NAV1: variants seen among roughly 807,000 people sequenced by gnomAD.
NAV1 encodes neuron navigator 1, also known as pore membrane and/or filament interacting like protein 3.
A neutral mutation model predicts 175.2 loss-of-function variants in NAV1; 18 were observed. That is an observed-to-expected ratio of 0.10 (90% CI 0.07 to 0.15). The LOEUF is 0.15. Ranked by LOEUF, NAV1 falls within the 10% of genes least tolerant of loss-of-function variation. NAV1 has a pLI of 1.00. For missense variants in NAV1, 1,731 were observed against 2,436.6 expected (o/e 0.71, Z 6.10); for synonymous variants, 897 against 978.7 (o/e 0.92, Z 1.56).
At chr1:201,632,005 A>G (rs1490618288) in intron 2 of NAV1, among the ~76,000 whole-genome samples, 1 of 152,150 alleles carries the variant, frequency 6.6e-6, no homozygotes, top group East Asian at 1.9e-4. Context: ...TTTGTCCTCT[A>G]TCAGCCTGTT....
intron 3 of NAV1, among the ~76,000 whole-genome samples, chr1:201,771,220 C>T (rs1217375084): frequency 7.6e-6 from 1 of 131,338 alleles, no homozygotes; most frequent in Non-Finnish European, 1.5e-5. Context: ...GCCTGGGCGA[C>T]AGAGCGAGAC....
At chr1:201,636,356 A>G (rs991671226) in intron 2 of NAV1, among the ~76,000 whole-genome samples, 3 of 152,170 alleles carry the variant, frequency 2.0e-5, no homozygotes, top group African/African-American at 7.2e-5. Flanking sequence ...CCTCCCCACT[A>G]TAAGGCTGCG....
chr1:201,790,562 G>A (rs779654838), exon 12 of NAV1: 1 of 1,613,980 alleles, frequency 6.2e-7, no homozygotes, highest in Non-Finnish European at 8.5e-7. Flanking sequence ...AGGCTGAGGA[G>A]AGGATGCAAT....
At chr1:201,676,052 A>T (rs1236655285) in intron 1 of NAV1, among the ~76,000 whole-genome samples, 7 of 151,834 alleles carry the variant, frequency 4.6e-5, no homozygotes, top group South Asian at 2.1e-4. Context: ...CTTCCTCTAA[A>T]CTCACCTGAA....
intron 1 of NAV1, among the ~76,000 whole-genome samples, chr1:201,584,721 C>T (rs1312106660): frequency 3.9e-5 from 6 of 152,228 alleles, no homozygotes; most frequent in Admixed American, 3.9e-4. Context: ...CCCATCAGCC[C>T]TGCTGACAGG....
At chr1:201,735,332 C>T (rs772338583) in intron 3 of NAV1, among the ~76,000 whole-genome samples, 7 of 152,286 alleles carry the variant, frequency 4.6e-5, no homozygotes, top group South Asian at 2.1e-4. Context: ...TGAAAATGAG[C>T]GGTTTGAACT....
Position 201,731,268 on chromosome 1 carries a change from G to A in NAV1, c.1226+12513G>A, listed in dbSNP as rs139435042. Among the ~76,000 whole-genome samples the A allele has an allele frequency of 5.2e-3, 784 of 152,134 alleles. 8 individuals carry two copies. The highest frequency in any genetic ancestry group is 0.017 in the African/African-American group (726 of 41,502). On this transcript the variant is annotated intron_variant, in intron 3 of 29. Transcript: ENST00000367296. ...GATACTGTGTGAGACCCATCCAAAC[G>A]TGTGTGAGAGGTGGCTGGATACAAA...
intron 15 of NAV1, among the ~76,000 whole-genome samples, chr1:201,803,035 C>T (rs1207262443): frequency 6.6e-6 from 1 of 152,174 alleles, no homozygotes; most frequent in East Asian, 1.9e-4. Context: ...TCAGACATCT[C>T]CTTTGTTAAC....
chr1:201,781,139 C>T (rs1676299248), exon 5 of NAV1: 4 of 1,614,062 alleles, frequency 2.5e-6, no homozygotes, highest in East Asian at 4.5e-5. Flanking sequence ...CCTGGGACTT[C>T]TAAGTGGCGG....
intron 1 of NAV1, among the ~76,000 whole-genome samples, chr1:201,542,380 A>G (rs1349211294): frequency 6.6e-6 from 1 of 152,214 alleles, no homozygotes; most frequent in Non-Finnish European, 1.5e-5. Flanking sequence ...AATACTTGGC[A>G]AACACTTCGT....
At chr1:201,587,908 C>T (rs1194556322) in intron 1 of NAV1, among the ~76,000 whole-genome samples, 1 of 152,128 alleles carries the variant, frequency 6.6e-6, no homozygotes, top group Non-Finnish European at 1.5e-5. Context: ...AAAAGACAGG[C>T]AGTAACAAGT....
rs1678611262 is a variant in NAV1 at position 201,810,379 on chromosome 1, T to G, written c.4562-144T>G. ...AGATCTAAGTTTTCAAAACTAGGGGTTAAGGGACTCTTATGGAACCATGGG... is the reference window on the plus strand; with the variant it reads ...AGATCTAAGTTTTCAAAACTAGGGGGTAAGGGACTCTTATGGAACCATGGG... On this transcript the variant is annotated intron_variant, in intron 23 of 29. Coordinates refer to ENST00000367296, the Ensembl canonical transcript of NAV1. The surrounding 1 kb of genome is among the most constrained non-coding windows in gnomAD (Gnocchi z 6.0). The G allele has an allele frequency of 2.4e-6, 2 of 846,330 alleles. No homozygotes were observed. Among genetic ancestry groups the G allele is most frequent in the Non-Finnish European group, 3.6e-6 (2 of 551,772 alleles). The allele number at this position is 846,330 out of a possible 1,614,324, so 52.4% of individuals were successfully genotyped here.
rs558028489 is a variant in NAV1, at chr1:201,643,069, T to C, written c.5-5565T>C. On this transcript the variant is annotated intron_variant, in intron 2 of 29. Transcript: ENST00000367302. Reference sequence around the variant, plus strand: ...GATTACAGGTGTGAGCCACCGTGCCTGGCCTCTTTCTCTCTTTCTTTCTTT... The same window carrying C: ...GATTACAGGTGTGAGCCACCGTGCCCGGCCTCTTTCTCTCTTTCTTTCTTT... 1.3e-4 allele frequency among the ~76,000 whole-genome samples: 20 copies of C among 151,586 alleles called. 1 individual carries two copies. The highest frequency in any genetic ancestry group is 4.6e-4 in the African/African-American group (19 of 41,056).
At chr1:201,623,476 T>C (rs2102280640) in exon 1 of NAV1, 1 of 985,988 alleles carries the variant, frequency 1.0e-6, no homozygotes, top group East Asian at 1.1e-4. Flanking sequence ...GGCAGCTTCG[T>C]GGGCTTCCTC....
At chr1:201,684,807 C>CA (rs1670614988) in intron 1 of NAV1, among the ~76,000 whole-genome samples, 1 of 149,944 alleles carries the variant, frequency 6.7e-6, no homozygotes, top group Admixed American at 6.6e-5. Flanking sequence ...ATTCTTAATA[C>CA]AAAAAATTAG....
At chr1:201,768,443 G>C (rs1675350907) in intron 3 of NAV1, among the ~76,000 whole-genome samples, 1 of 151,770 alleles carries the variant, frequency 6.6e-6, no homozygotes, top group Non-Finnish European at 1.5e-5. Context: ...TTTGGAACCA[G>C]CCTGGGCAAC....
At chr1:201,620,342 A>G (rs572357359), upstream of NAV1, among the ~76,000 whole-genome samples, 3 of 152,200 alleles carry the variant, frequency 2.0e-5, no homozygotes, top group African/African-American at 7.2e-5. Flanking sequence ...TGAGAATCAA[A>G]CTGAGTATTT....
intron 2 of NAV1, among the ~76,000 whole-genome samples, chr1:201,592,748 G>C (rs1310867082): frequency 6.6e-6 from 1 of 152,080 alleles, no homozygotes; most frequent in Non-Finnish European, 1.5e-5. Context: ...AGGTCTTGGG[G>C]TCCAGGTGGC....
At chr1:201,670,942 A>G (rs1432677123) in intron 1 of NAV1, among the ~76,000 whole-genome samples, 2 of 152,126 alleles carry the variant, frequency 1.3e-5, no homozygotes, top group Admixed American at 6.6e-5. Flanking sequence ...GATGACGGCA[A>G]TGGTTTTGGT....
Sources: gnomAD v4.1 joint callset for allele counts (sites outside exome capture counted in the v4.1 genomes callset) on GRCh38, gnomAD v4.1.1 for gene constraint, Gnocchi (gnomAD v3.1) non-coding constraint, MANE v1.5 for transcripts, NCBI Gene and HGNC (gene_info 2026-07-23, HGNC 2026-07-21) for gene names.